The following PARVB variants were observed in gnomAD, a reference collection of about 807,000 sequenced individuals.
PARVB encodes beta-parvin.
A neutral mutation model predicts 47.0 loss-of-function variants in PARVB; 46 were observed. The observed-to-expected ratio is 0.98, with a 90% CI of 0.77 to 1.25. The LOEUF (loss-of-function observed/expected upper bound fraction) is 1.25, where lower values mean the gene tolerates loss of function less well. Ranked by LOEUF, PARVB falls within the 50% of genes most tolerant of loss-of-function variation. The pLI is 0.00. For synonymous variants in PARVB, 196 were observed against 196.3 expected (o/e 1.00, Z 0.01); for missense variants, 473 against 471.6 (o/e 1.00, Z -0.03).
At chr22:44,099,820 G>A (rs993555773) in intron 2 of PARVB, among the ~76,000 whole-genome samples, 1 of 152,178 alleles carries the variant, frequency 6.6e-6, no homozygotes. Context: ...GGCGGAGTCT[G>A]GGAGGAGCGA....
At chr22:44,055,035 T>C (rs189504674) in intron 1 of PARVB, among the ~76,000 whole-genome samples, 10 of 149,504 alleles carry the variant, frequency 6.7e-5, no homozygotes, top group Non-Finnish European at 1.3e-4. Flanking sequence ...AAATTTTATG[T>C]ATTTTATGTT....
At chr22:44,039,837 T>C (rs1300973934) in intron 1 of PARVB, 1 of 455,388 alleles carries the variant, frequency 2.2e-6, no homozygotes, top group South Asian at 1.6e-5. Flanking sequence ...TTTTCAAAGA[T>C]GAGATCTCAC....
chr22:44,093,915 T>C lies in PARVB; in HGVS notation c.113-13T>C. 6.2e-7 allele frequency: 1 copy of C among 1,603,216 alleles called. No homozygotes were observed. Among genetic ancestry groups the C allele is most frequent in the Non-Finnish European group, 8.5e-7 (1 of 1,170,928 alleles). Reference sequence around the variant, plus strand: ...GTATACTAACCTGGTTTTTCTTTCCTTTTGCTCAACAGTGAGTGACCTGCA... The same window carrying C: ...GTATACTAACCTGGTTTTTCTTTCCCTTTGCTCAACAGTGAGTGACCTGCA... On this transcript the variant is annotated splice_polypyrimidine_tract_variant and intron_variant, in intron 1 of 12. Coordinates refer to ENST00000338758, the MANE Select transcript of PARVB (RefSeq NM_013327.5).
intron 1 of PARVB, among the ~76,000 whole-genome samples, chr22:44,038,070 C>G (rs2050952088): frequency 6.6e-6 from 1 of 152,252 alleles, no homozygotes; most frequent in Non-Finnish European, 1.5e-5. Context: ...CCTGTTCTCT[C>G]TGATCTGACA....
chr22:44,130,903 G>A (rs1279458926), intron 4 of PARVB, among the ~76,000 whole-genome samples: 1 of 151,806 alleles, frequency 6.6e-6, no homozygotes, highest in Non-Finnish European at 1.5e-5. Flanking sequence ...TTAGTGACCT[G>A]GAAGCTCAGC....
chr22:44,060,688 C>T (rs1381622989), intron 1 of PARVB, among the ~76,000 whole-genome samples: 1 of 152,064 alleles, frequency 6.6e-6, no homozygotes, highest in Admixed American at 6.5e-5. Context: ...TTTGATGTTG[C>T]TCAAGAAGGG....
chr22:44,119,271 C>T (rs953240627), intron 4 of PARVB, 131 bp downstream of exon 4: 27 of 699,506 alleles, frequency 3.9e-5, no homozygotes, highest in Non-Finnish European at 6.6e-5. Context: ...CAGTGTGCAT[C>T]TCCCAGGTGG....
At chr22:44,006,425 A>G (rs6006612) in intron 2 of PARVB, among the ~76,000 whole-genome samples, 37,330 of 152,138 alleles carry the variant, frequency 0.25, 5,022 homozygotes, top group African/African-American at 0.35. Context: ...GGAGATTGAG[A>G]CCATCCTAAC....
chr22:44,120,849 T>C (rs1280303994), intron 4 of PARVB, among the ~76,000 whole-genome samples: 2 of 151,662 alleles, frequency 1.3e-5, no homozygotes, highest in Non-Finnish European at 2.9e-5. Context: ...CTGTTTTTTT[T>C]TTTTCTTTTT....
At chr22:44,061,460 A>ACAAAC (rs746938412) in intron 1 of PARVB, among the ~76,000 whole-genome samples, 4 of 117,268 alleles carry the variant, frequency 3.4e-5, no homozygotes, top group Admixed American at 8.6e-5. Context: ...ACAAAACAAA[A>ACAAAC]CAAACCAAAA....
intron 1 of PARVB, among the ~76,000 whole-genome samples, chr22:44,065,877 G>GTGTA (rs1026307755): frequency 3.9e-5 from 6 of 152,004 alleles, no homozygotes; most frequent in Non-Finnish European, 2.9e-5. Flanking sequence ...GTGTGTGTGT[G>GTGTA]TGTATACACT....
chr22:44,057,067 A>G (rs1444412991), intron 1 of PARVB, among the ~76,000 whole-genome samples: 6 of 150,212 alleles, frequency 4.0e-5, no homozygotes, highest in Non-Finnish European at 5.9e-5. Context: ...TTTCTTGCTG[A>G]TAAGTTTCTC....
chr22:44,043,202 A>G (rs2051050524), intron 1 of PARVB, among the ~76,000 whole-genome samples: 1 of 152,204 alleles, frequency 6.6e-6, no homozygotes, highest in East Asian at 1.9e-4. Context: ...GAATAGGCAA[A>G]TTGATAGAGA....
intron 1 of PARVB, among the ~76,000 whole-genome samples, chr22:44,046,964 C>T (rs539062192): frequency 2.2e-4 from 33 of 151,692 alleles, no homozygotes; most frequent in Non-Finnish European, 4.3e-4. Flanking sequence ...GGTCGGTGTG[C>T]GGGGGGTGGG....
At chr22:44,046,690 A>G (rs1310559834) in intron 1 of PARVB, among the ~76,000 whole-genome samples, 2 of 152,226 alleles carry the variant, frequency 1.3e-5, no homozygotes, top group African/African-American at 4.8e-5. Context: ...TTACTTTCAT[A>G]GTGTTGGCTG....
At chr22:44,131,730 C>T (rs2053328776) in intron 5 of PARVB, 103 bp downstream of exon 5, 1 of 1,311,790 alleles carries the variant, frequency 7.6e-7, no homozygotes, top group Non-Finnish European at 1.0e-6. Context: ...TCCCATCTGG[C>T]CTTGCATCTT....
intron 3 of PARVB, among the ~76,000 whole-genome samples, chr22:44,101,418 A>AT (rs1491483004): frequency 7.5e-6 from 1 of 133,118 alleles, no homozygotes; most frequent in African/African-American, 3.7e-5. Context: ...AAAAAAAAAT[A>AT]AAAAATAAAA....
intron 1 of PARVB, among the ~76,000 whole-genome samples, chr22:44,039,522 A>G: frequency 6.6e-6 from 1 of 152,018 alleles, no homozygotes; most frequent in East Asian, 1.9e-4. Context: ...CAGCCTAAGC[A>G]ACAGAGTGAT....
At chr22:44,031,003 G>A (rs931409273) in intron 1 of PARVB, among the ~76,000 whole-genome samples, 8 of 152,224 alleles carry the variant, frequency 5.3e-5, no homozygotes, top group African/African-American at 1.9e-4. Flanking sequence ...CTATGGGGAA[G>A]AGGGGATGGT....
Sources: gnomAD v4.1 joint callset for allele counts (sites outside exome capture counted in the v4.1 genomes callset) on GRCh38, gnomAD v4.1.1 for gene constraint, MANE v1.5 for transcripts, NCBI Gene and HGNC (gene_info 2026-07-23, HGNC 2026-07-21) for gene names.